DPP10: variants seen among roughly 807,000 people sequenced by gnomAD.
DPP10 encodes dipeptidyl peptidase like 10.
In DPP10, 33 loss-of-function variants were observed where a neutral mutation model predicts 120.9. The observed-to-expected ratio is 0.27, with a 90% confidence interval of 0.21 to 0.37. The LOEUF (loss-of-function observed/expected upper bound fraction) is 0.37, where lower values mean the gene tolerates loss of function less well. DPP10 is among the 10% of genes least tolerant of loss of function. DPP10 has a pLI of 1.00. For synonymous variants in DPP10, 337 were observed against 326.1 expected (o/e 1.03, Z -0.36); for missense variants, 816 against 942.8 (o/e 0.87, Z 1.76).
At chr2:115,316,709 A>T (rs868110342) in intron 2 of DPP10, among the ~76,000 whole-genome samples, 3 of 152,140 alleles carry the variant, frequency 2.0e-5, no homozygotes, top group Non-Finnish European at 4.4e-5. Flanking sequence ...TTTGTCATAT[A>T]TTTTATTTCT....
chr2:115,726,489 G>A (rs2092767943), intron 7 of DPP10, among the ~76,000 whole-genome samples: 3 of 152,266 alleles, frequency 2.0e-5, no homozygotes, highest in Admixed American at 2.0e-4. Context: ...GAAAGGTTAA[G>A]AATGTTATCA....
intron 1 of DPP10, among the ~76,000 whole-genome samples, chr2:114,481,240 A>G (rs1284541131): frequency 6.6e-6 from 1 of 152,120 alleles, no homozygotes; most frequent in African/African-American, 2.4e-5. Context: ...GAAAAAGAAA[A>G]CTTCAAATGA....
intron 1 of DPP10, among the ~76,000 whole-genome samples, chr2:114,454,399 T>G (rs1240081440): frequency 6.6e-6 from 1 of 152,180 alleles, no homozygotes; most frequent in Non-Finnish European, 1.5e-5. Context: ...AACATTAACT[T>G]GCCCAATGTC....
chr2:115,674,810 T>A (rs1018310462), intron 5 of DPP10, among the ~76,000 whole-genome samples: 8 of 152,180 alleles, frequency 5.3e-5, no homozygotes, highest in African/African-American at 1.9e-4. Flanking sequence ...AGTAGAGTGT[T>A]ACCTTTGCTA....
intron 3 of DPP10, among the ~76,000 whole-genome samples, chr2:115,408,849 T>G (rs2104559078): frequency 6.6e-6 from 1 of 152,142 alleles, no homozygotes; most frequent in African/African-American, 2.4e-5. Flanking sequence ...TAGCCTTAAT[T>G]TTAAAAAACA....
intron 1 of DPP10, among the ~76,000 whole-genome samples, chr2:114,824,498 G>A (rs994052147): frequency 1.3e-5 from 2 of 152,176 alleles, no homozygotes; most frequent in East Asian, 1.9e-4. Flanking sequence ...ACTCCCCTGA[G>A]TGACATTTAG....
intron 3 of DPP10, among the ~76,000 whole-genome samples, chr2:115,405,744 G>A: frequency 6.6e-6 from 1 of 152,212 alleles, no homozygotes; most frequent in East Asian, 1.9e-4. Context: ...TTTTGAAGCT[G>A]CGGCATGAGC....
chr2:115,714,521 C>T (rs1436212259), intron 7 of DPP10, among the ~76,000 whole-genome samples: 1 of 152,186 alleles, frequency 6.6e-6, no homozygotes, highest in Non-Finnish European at 1.5e-5. Flanking sequence ...TCCCTCTTAT[C>T]TCTGTGCGTT....
At chr2:115,366,121 T>C (rs1306020028) in intron 3 of DPP10, among the ~76,000 whole-genome samples, 1 of 152,020 alleles carries the variant, frequency 6.6e-6, no homozygotes, top group Non-Finnish European at 1.5e-5. Flanking sequence ...TGAAATGATA[T>C]AATAATATAT....
intron 9 of DPP10, among the ~76,000 whole-genome samples, chr2:115,745,834 G>A (rs1482905142): frequency 1.3e-5 from 2 of 152,080 alleles, no homozygotes; most frequent in Non-Finnish European, 2.9e-5. Context: ...CAGAAGCACT[G>A]CCTAATGAGT....
chr2:115,263,693 A>G (rs2059345515), intron 1 of DPP10, among the ~76,000 whole-genome samples: 1 of 152,218 alleles, frequency 6.6e-6, no homozygotes, highest in African/African-American at 2.4e-5. Flanking sequence ...ACTCTTGTAT[A>G]AAAAGTCATT....
chr2:114,720,780 A>C (rs753725551), intron 1 of DPP10, among the ~76,000 whole-genome samples: 9 of 152,228 alleles, frequency 5.9e-5, no homozygotes, highest in Admixed American at 2.0e-4. Context: ...ACCCTATTAC[A>C]CTTCTGGCTG....
rs377722957 is a variant in DPP10 at position 115,285,634 on chromosome 2, G to A, written c.61-23605G>A. On this transcript the variant is annotated intron_variant, in intron 1 of 25. Transcript: ENST00000410059. Reference sequence around the variant, plus strand: ...CGATTGATCTCAGCAAGCAAAGAACGTTGTTAAATTGTTCAGTCCTCCTTT... The same window carrying A: ...CGATTGATCTCAGCAAGCAAAGAACATTGTTAAATTGTTCAGTCCTCCTTT... Among the ~76,000 whole-genome samples the A allele has an allele frequency of 1.1e-4, 16 of 152,090 alleles. No individual in the cohort carries two copies. In the East Asian group the frequency reaches 1.4e-3, roughly 13 times the overall value.
intron 1 of DPP10, among the ~76,000 whole-genome samples, chr2:115,275,421 T>C (rs2059872024): frequency 6.6e-6 from 1 of 152,080 alleles, no homozygotes; most frequent in Non-Finnish European, 1.5e-5. Flanking sequence ...ATGATTAGGG[T>C]GCATAATCTC....
chr2:114,930,262 CA>C (rs1220811622), intron 1 of DPP10, among the ~76,000 whole-genome samples: 1 of 152,170 alleles, frequency 6.6e-6, no homozygotes, highest in African/African-American at 2.4e-5. Context: ...ACCGCATAGC[CA>C]GGCTGAAAAT....
intron 1 of DPP10, among the ~76,000 whole-genome samples, chr2:114,510,381 G>A (rs1352213418): frequency 2.0e-5 from 3 of 152,130 alleles, no homozygotes; most frequent in African/African-American, 7.2e-5. Context: ...CAAGGTGGGT[G>A]GATCACGAGG....
At chr2:115,306,878 CTG>C (rs2061377953) in intron 1 of DPP10, among the ~76,000 whole-genome samples, 1 of 152,074 alleles carries the variant, frequency 6.6e-6, no homozygotes, top group African/African-American at 2.4e-5. Flanking sequence ...CCACATATTA[CTG>C]TGAATTTTCC....
chr2:115,367,987 T>C (rs889773581), intron 3 of DPP10, among the ~76,000 whole-genome samples: 20 of 152,068 alleles, frequency 1.3e-4, no homozygotes, highest in African/African-American at 4.6e-4. Flanking sequence ...TGTGTTTAGG[T>C]TCATGTCCCT....
chr2:115,476,278 C>A (rs1289701976), intron 3 of DPP10, among the ~76,000 whole-genome samples: 1 of 152,058 alleles, frequency 6.6e-6, no homozygotes, highest in Non-Finnish European at 1.5e-5. Context: ...GTTTTAAAAG[C>A]GTGTGGTACC....
Sources: allele counts gnomAD v4.1 joint callset (sites outside exome capture counted in the v4.1 genomes callset), GRCh38; gene constraint gnomAD v4.1.1; transcripts MANE v1.5; gene names NCBI Gene and HGNC (gene_info 2026-07-23, HGNC 2026-07-21).